Variants in UNC5D observed in about 807,000 individuals in gnomAD.
The protein encoded by UNC5D is netrin receptor UNC5D.
Under a neutral mutation model 105.4 loss-of-function variants are expected in UNC5D, and 39 were observed. That is an observed-to-expected ratio of 0.37 (90% CI 0.29 to 0.48). The LOEUF is 0.48. Ranked by LOEUF, UNC5D falls within the 20% of genes least tolerant of loss-of-function variation. The pLI is 0.98. For synonymous variants in UNC5D, 452 were observed against 450.4 expected, an observed-to-expected ratio of 1.00 and a Z score of -0.04; for missense variants, 991 against 1,202.4, an observed-to-expected ratio of 0.82 and a Z score of 2.60.
intron 1 of UNC5D, among the ~76,000 whole-genome samples, chr8:35,482,719 A>T (rs1810559678): frequency 6.6e-6 from 1 of 151,606 alleles, no homozygotes; most frequent in South Asian, 2.1e-4. Flanking sequence ...ATCAAATCAA[A>T]TATTAAGAAA....
intron 7 of UNC5D, among the ~76,000 whole-genome samples, chr8:35,687,441 C>CAA (rs34104800): frequency 5.0e-3 from 264 of 52,616 alleles, no homozygotes; most frequent in African/African-American, 0.012. Flanking sequence ...GACTCCGTCT[C>CAA]AAAAAAAAAA....
intron 1 of UNC5D, among the ~76,000 whole-genome samples, chr8:35,414,064 T>A (rs1179799361): frequency 6.6e-6 from 1 of 152,104 alleles, no homozygotes; most frequent in African/African-American, 2.4e-5. Context: ...TGAAGCTCTC[T>A]AGGTTGTTTG....
At chr8:35,693,385 T>TAAAAAG (rs2131383129) in intron 7 of UNC5D, among the ~76,000 whole-genome samples, 1 of 152,282 alleles carries the variant, frequency 6.6e-6, no homozygotes, top group Admixed American at 6.5e-5. Flanking sequence ...GCCTTGTTAA[T>TAAAAAG]AAAAAGAAAA....
At chr8:35,721,401 C>T (rs1467903009) in intron 8 of UNC5D, 2 of 702,654 alleles carry the variant, frequency 2.8e-6, no homozygotes, top group South Asian at 1.5e-5. Context: ...GAGGCACCCA[C>T]ATTCTAAATT....
In UNC5D at chr8:35,259,284, G is replaced by A. The variant is rs541590019; in HGVS notation, c.103+23397G>A. On this transcript the variant is annotated intron_variant, in intron 1 of 16. Coordinates refer to ENST00000404895, the MANE Select transcript of UNC5D (RefSeq NM_080872.4). Reference sequence around the variant, plus strand: ...ATCTTCAGAGAAGGGAGAGGAGGTGGTTGGCAGTGGCTGGCTGGTAGTTAG... The same window carrying A: ...ATCTTCAGAGAAGGGAGAGGAGGTGATTGGCAGTGGCTGGCTGGTAGTTAG... 1.7e-4 allele frequency among the ~76,000 whole-genome samples: 26 copies of A among 152,294 alleles called. No homozygotes were observed. The South Asian group carries it at 5.4e-3, about 32-fold the overall frequency.
At chr8:35,329,783 C>T (rs907876861) in intron 1 of UNC5D, among the ~76,000 whole-genome samples, 2 of 152,206 alleles carry the variant, frequency 1.3e-5, no homozygotes, top group Non-Finnish European at 1.5e-5. Context: ...TACCTCTATA[C>T]ATGAGGCTCT....
At chr8:35,491,545 T>C (rs573636244) in intron 1 of UNC5D, among the ~76,000 whole-genome samples, 27 of 152,232 alleles carry the variant, frequency 1.8e-4, no homozygotes, top group Admixed American at 1.6e-3. Flanking sequence ...GATGAGAGAC[T>C]CCTGCATTAT....
intron 1 of UNC5D, among the ~76,000 whole-genome samples, chr8:35,414,723 G>A (rs1805420764): frequency 6.6e-6 from 1 of 152,068 alleles, no homozygotes; most frequent in African/African-American, 2.4e-5. Context: ...CTGGGCTGAG[G>A]TTTTAGAATT....
chr8:35,583,970 C>T (rs1586182856), intron 3 of UNC5D, among the ~76,000 whole-genome samples: 1 of 152,078 alleles, frequency 6.6e-6, no homozygotes, highest in Non-Finnish European at 1.5e-5. Flanking sequence ...TGAGTGGCTT[C>T]GTAGGCAGGG....
chr8:35,351,266 C>T (rs183398440), intron 1 of UNC5D, among the ~76,000 whole-genome samples: 1 of 152,120 alleles, frequency 6.6e-6, no homozygotes, highest in African/African-American at 2.4e-5. Context: ...CTTTCTCCTA[C>T]CCACATAATC....
chr8:35,321,007 T>C (rs1809700406), intron 1 of UNC5D, among the ~76,000 whole-genome samples: 1 of 152,152 alleles, frequency 6.6e-6, no homozygotes, highest in East Asian at 1.9e-4. Flanking sequence ...TCTCCTTTGT[T>C]CTCTGGAGCA....
intron 1 of UNC5D, among the ~76,000 whole-genome samples, chr8:35,386,583 ACT>A (rs1803413522): frequency 1.3e-5 from 2 of 152,182 alleles, no homozygotes; most frequent in Non-Finnish European, 2.9e-5. Context: ...TGTTAACCAA[ACT>A]CTGCCTGCAC....
chr8:35,771,039 T>C (rs1801990055), intron 15 of UNC5D, among the ~76,000 whole-genome samples: 1 of 152,248 alleles, frequency 6.6e-6, no homozygotes, highest in Non-Finnish European at 1.5e-5. Context: ...ATCATAAATG[T>C]TACATAAAGT....
chr8:35,323,188 C>CTT lies in UNC5D; in HGVS notation c.103+87319_103+87320dup, dbSNP rs67076001. Among the ~76,000 whole-genome samples, 36 of 125,940 alleles carry CTT rather than the reference C, an allele frequency of 2.9e-4. No individual in the cohort carries two copies. The South Asian group carries it at 4.2e-3, about 15-fold the overall frequency. 82.6% of individuals were successfully genotyped at this position (125,940 alleles called of 152,430 possible). ...CTGTTTTTTTCTAATTTTTCTTTTT[C>CTT]TTTTTTTTTTTTTTTTTTTCACATG... On this transcript the variant is annotated intron_variant, in intron 1 of 16. Coordinates refer to ENST00000404895, the MANE Select transcript of UNC5D (RefSeq NM_080872.4).
intron 4 of UNC5D, among the ~76,000 whole-genome samples, chr8:35,620,125 G>T (rs961667111): frequency 1.3e-5 from 2 of 152,124 alleles, no homozygotes; most frequent in Admixed American, 1.3e-4. Flanking sequence ...CTTCACCTCT[G>T]TATTCAACAT....
At chr8:35,515,433 C>A (rs766834602) in intron 1 of UNC5D, among the ~76,000 whole-genome samples, 1 of 152,100 alleles carries the variant, frequency 6.6e-6, no homozygotes, top group Non-Finnish European at 1.5e-5. Flanking sequence ...GCCTGTAATC[C>A]CAGCACTTTG....
intron 1 of UNC5D, among the ~76,000 whole-genome samples, chr8:35,307,463 T>G (rs1808510392): frequency 6.6e-6 from 1 of 152,158 alleles, no homozygotes; most frequent in Admixed American, 6.6e-5. Flanking sequence ...TACGACATGG[T>G]TCAGACAACT....
chr8:35,467,128 G>T (rs1229175504), intron 1 of UNC5D, among the ~76,000 whole-genome samples: 3 of 152,152 alleles, frequency 2.0e-5, no homozygotes, highest in African/African-American at 7.2e-5. Context: ...AGACAAGCAG[G>T]TTTTGAGTGT....
At chr8:35,289,741 G>C in intron 1 of UNC5D, among the ~76,000 whole-genome samples, 1 of 152,274 alleles carries the variant, frequency 6.6e-6, no homozygotes, top group East Asian at 1.9e-4. Context: ...TACTTGAACA[G>C]TCATTTTTGA....
Sources: allele counts gnomAD v4.1 joint callset (sites outside exome capture counted in the v4.1 genomes callset), GRCh38; gene constraint gnomAD v4.1.1; transcripts MANE v1.5; gene names NCBI Gene and HGNC (gene_info 2026-07-23, HGNC 2026-07-21).